ZDBF2: variants seen among roughly 807,000 people sequenced by gnomAD.
ZDBF2 encodes the protein zinc finger DBF-type containing 2, also known as DBF4-type zinc finger-containing protein 2.
A neutral mutation model predicts 9.4 loss-of-function variants in ZDBF2; 6 were observed. The ratio of observed to expected loss-of-function variants is 0.64; its 90% confidence interval spans 0.35 to 1.27. The LOEUF (loss-of-function observed/expected upper bound fraction) is 1.27, where lower values mean the gene tolerates loss of function less well. Ranked by LOEUF, ZDBF2 falls within the 50% of genes most tolerant of loss-of-function variation. The pLI, the probability that ZDBF2 is intolerant of heterozygous loss-of-function variation, is 0.03. For synonymous variants in ZDBF2, 905 were observed against 946.3 expected (o/e 0.96, Z 0.80); for missense variants, 2,697 against 2,766.8 (o/e 0.97, Z 0.57).
At chr2:206,290,052 C>A (rs890521529) in intron 3 of ZDBF2, among the ~76,000 whole-genome samples, 1 of 152,174 alleles carries the variant, frequency 6.6e-6, no homozygotes, top group African/African-American at 2.4e-5. Context: ...CCATCTTTTT[C>A]CAAGTTTATT....
rs1055730871 is a variant in ZDBF2, at chr2:206,275,365, C to G, written c.-103+419C>G. ...ATCCCGAGCCACCTGTCCACACACC[C>G]CCTTCCCCCAGTGCCCTGCGTTGGG... On this transcript the variant is annotated intron_variant, in intron 1 of 4. Coordinates refer to ENST00000374423, the MANE Select transcript of ZDBF2 (RefSeq NM_020923.3). Among the ~76,000 whole-genome samples the G allele has an allele frequency of 4.6e-5, 7 of 152,326 alleles. No individual in the cohort carries two copies. In the East Asian group the frequency reaches 1.2e-3, roughly 25 times the overall value.
Position 206,307,574 on chromosome 2 carries a change from G to A in ZDBF2, c.3046G>A (p.Val1016Ile), listed in dbSNP as rs371758158. Residue 1016 changes from valine (V) to isoleucine (I), a missense_variant, in exon 5 of 5, where the codon GTA becomes ATA. Physicochemically the swap from Val to Ile is conservative, Grantham distance 29. Coordinates refer to ENST00000374423, the MANE Select transcript of ZDBF2 (RefSeq NM_020923.3). ...TCATTATTCAGTAACTGAACCTCAA[G>A]TAGCTGTTAACAAAATAAACAGAAA... ...VPHYSVTEPQ[V>I]AVNKINRKKQ... 10 of 1,613,338 alleles carry A rather than the reference G, an allele frequency of 6.2e-6. No homozygotes were observed. Among genetic ancestry groups the A allele is most frequent in the African/African-American group, 1.3e-5 (1 of 74,908 alleles).
chr2:206,294,651 C>T lies in ZDBF2; in HGVS notation c.61-2595C>T, dbSNP rs550847314. Among the ~76,000 whole-genome samples the T allele has an allele frequency of 3.0e-3, 453 of 152,254 alleles. 4 individuals carry two copies. The highest frequency in any genetic ancestry group is 3.3e-3 in the Non-Finnish European group (227 of 68,012). ...CGAGCCCTTTCCCCCTGCCCTGTCTCTCCTGACCCAGTGTCTCCCAGTGCC... is the reference window on the plus strand; with the variant it reads ...CGAGCCCTTTCCCCCTGCCCTGTCTTTCCTGACCCAGTGTCTCCCAGTGCC... On this transcript the variant is annotated intron_variant, in intron 3 of 4. Coordinates refer to ENST00000374423, the MANE Select transcript of ZDBF2 (RefSeq NM_020923.3).
chr2:206,298,631 T>A (rs1433321061), intron 4 of ZDBF2, among the ~76,000 whole-genome samples: 2 of 152,120 alleles, frequency 1.3e-5, no homozygotes, highest in African/African-American at 4.8e-5. Flanking sequence ...CAAGCAATTC[T>A]CCCTGCCTTA....
In ZDBF2 at chr2:206,306,678, C is replaced by T. The variant is rs748753432; in HGVS notation, c.2150C>T (p.Ser717Leu). The T allele has an allele frequency of 6.2e-6, 10 of 1,613,708 alleles. No individual in the cohort carries two copies. In the South Asian group the frequency reaches 1.1e-4, roughly 18 times the overall value. Reference sequence around the variant, plus strand: ...GATTCTCCGGCTTCTCTTTATCATTCAGCTCATGATGAGCCTCAAGAAGCT... The same window carrying T: ...GATTCTCCGGCTTCTCTTTATCATTTAGCTCATGATGAGCCTCAAGAAGCT... Reference protein sequence around the residue: ...SSDSPASLYHSAHDEPQEALD... With the variant: ...SSDSPASLYHLAHDEPQEALD... Residue 717 changes from serine to leucine, a missense_variant, in exon 5 of 5, where the codon TCA (serine) becomes TTA (leucine). Coordinates refer to ENST00000374423, the MANE Select transcript of ZDBF2 (RefSeq NM_020923.3).
At position 206,309,729 on chromosome 2, in the gene ZDBF2, A is replaced by G; in HGVS notation, c.5201A>G (p.His1734Arg). Reference protein sequence around the residue: ...ADKKKRSKLKHRDLEVSCEPD... With the variant: ...ADKKKRSKLKRRDLEVSCEPD... ...AAAAAAAAACGTTCGAAGCTAAAAC[A>G]TAGAGATCTAGAAGTGAGCTGTGAA... The change falls in exon 5 of 5, where the codon CAT (histidine) becomes CGT (arginine). Residue 1734 changes from histidine (H) to arginine (R), a missense_variant. Transcript: ENST00000374423. 6.2e-7 allele frequency: 1 copy of G among 1,613,878 alleles called. No individual in the cohort carries two copies. The highest frequency in any genetic ancestry group is 8.5e-7 in the Non-Finnish European group (1 of 1,179,824).
At chr2:206,285,166 A>G (rs1691534765) in intron 3 of ZDBF2, among the ~76,000 whole-genome samples, 2 of 152,316 alleles carry the variant, frequency 1.3e-5, no homozygotes, top group South Asian at 2.1e-4. Flanking sequence ...ATAAATACCT[A>G]ATCAGTAGGA....
At chr2:206,282,710 T>G (rs1691387635) in intron 3 of ZDBF2, among the ~76,000 whole-genome samples, 1 of 152,208 alleles carries the variant, frequency 6.6e-6, no homozygotes, top group Non-Finnish European at 1.5e-5. Context: ...AAAAATTTTG[T>G]TATTGTGATA....
intron 3 of ZDBF2, 43 bp downstream of exon 3, chr2:206,281,952 G>A (rs1178801159): frequency 6.6e-7 from 1 of 1,515,370 alleles, no homozygotes; most frequent in Admixed American, 1.9e-5. Context: ...AAAGGACCTA[G>A]TTGTGACTTT....
chr2:206,305,280 A>G lies in ZDBF2; in HGVS notation c.752A>G (p.Tyr251Cys), dbSNP rs59158496. The change falls in exon 5 of 5, where the codon TAT becomes TGT. Residue 251 changes from tyrosine (Y) to cysteine (C), a missense_variant. Physicochemically the swap from Tyr to Cys is radical, Grantham distance 194 (BLOSUM62 -2). This residue lies in a region of ZDBF2 where 910 missense variants were observed against 973.6 expected (regional missense o/e 0.93). Transcript: ENST00000374423. ...SSHVETTSFS[Y>C]QKHKESNRKS... ...CATGTAGAAACTACTTCATTTTCGT[A>G]TCAGAAACATAAAGAATCAAATAGG... is the stretch of plus-strand genomic sequence containing the variant. 2.1e-3 allele frequency: 3,338 copies of G among 1,613,212 alleles called. 59 individuals carry two copies. In the African/African-American group the frequency reaches 0.039, roughly 19 times the overall value.
At chr2:206,289,276 G>A (rs538444512) in intron 3 of ZDBF2, among the ~76,000 whole-genome samples, 2 of 152,226 alleles carry the variant, frequency 1.3e-5, no homozygotes, top group Middle Eastern at 3.4e-3. Flanking sequence ...GGGATGCAAG[G>A]TGCCACTTCA....
At chr2:206,303,777 A>T (rs1692623996) in intron 4 of ZDBF2, among the ~76,000 whole-genome samples, 1 of 151,900 alleles carries the variant, frequency 6.6e-6, no homozygotes, top group South Asian at 2.1e-4. Context: ...TTCTAAGTGC[A>T]TTATTTTTTT....
At chr2:206,279,100 T>G (rs898318821) in intron 1 of ZDBF2, among the ~76,000 whole-genome samples, 31 of 152,234 alleles carry the variant, frequency 2.0e-4, no homozygotes, top group African/African-American at 7.5e-4. Context: ...AAAACATGCT[T>G]CTGCTTAATA....
rs1218134187 is a variant in ZDBF2 at position 206,309,920 on chromosome 2, G to A, written c.5392G>A (p.Val1798Ile). The change falls in exon 5 of 5, where the codon GTA becomes ATA. Residue 1798 changes from valine (V) to isoleucine (I), a missense_variant. By Grantham distance (29) the Val-to-Ile change is conservative (BLOSUM62 3). This residue lies in a region of ZDBF2 where 1,783 missense variants were observed against 1,776.5 expected (regional missense o/e 1.00). Coordinates refer to ENST00000374423, the MANE Select transcript of ZDBF2 (RefSeq NM_020923.3). The stretch of plus-strand genomic sequence containing the variant: ...AAGCTCTGTTCTCAAGGTTGATTCT[G>A]TAAGGAACCTGAAAAAAGCAAAGGA... Reference protein sequence around the residue: ...QSSSVLKVDSVRNLKKAKDVI... With the variant: ...QSSSVLKVDSIRNLKKAKDVI... 1 of 1,613,918 alleles carries A rather than the reference G, an allele frequency of 6.2e-7. No homozygotes were observed. Among genetic ancestry groups the A allele is most frequent in the Non-Finnish European group, 8.5e-7 (1 of 1,179,878 alleles).
At chr2:206,302,642 T>TG (rs1432963956) in intron 4 of ZDBF2, among the ~76,000 whole-genome samples, 1 of 152,074 alleles carries the variant, frequency 6.6e-6, no homozygotes, top group East Asian at 1.9e-4. Flanking sequence ...AAAACTAGAG[T>TG]GAAGTGATTG....
chr2:206,309,134 G>A lies in ZDBF2; in HGVS notation c.4606G>A (p.Asp1536Asn). Residue 1536 changes from aspartate to asparagine, a missense_variant, in exon 5 of 5, where the codon GAT becomes AAT. Transcript: ENST00000374423. The part of the protein sequence containing the change: ...VLVDLVPGDS[D>N]YEVISDDIPL... ...TGTGGATCTGGTGCCCGGTGATAGT[G>A]ATTATGAAGTAATTTCAGATGATAT... 1 of 1,613,380 alleles carries A rather than the reference G, an allele frequency of 6.2e-7. No homozygotes were observed. Among genetic ancestry groups the A allele is most frequent in the South Asian group, 1.1e-5 (1 of 90,980 alleles).
In ZDBF2 at chr2:206,309,552, G is replaced by T; in HGVS notation, c.5024G>T (p.Arg1675Leu). The change falls in exon 5 of 5, where the codon CGA becomes CTA. Residue 1675 changes from arginine to leucine, a missense_variant. This residue lies in a region of ZDBF2 where 1,783 missense variants were observed against 1,776.5 expected (regional missense o/e 1.00). Transcript: ENST00000374423. ...TTTAATTTGGAAGACACTTCTCATC[G>T]AACGACTCACCGACTGCAGAAAGCT... is the stretch of plus-strand genomic sequence containing the variant. The part of the protein sequence containing the change: ...GKFNLEDTSH[R>L]TTHRLQKAHK... The T allele has an allele frequency of 6.2e-7, 1 of 1,613,910 alleles. No individual in the cohort carries two copies. The highest frequency in any genetic ancestry group is 8.5e-7 in the Non-Finnish European group (1 of 1,179,880).
chr2:206,308,756 G>A lies in ZDBF2; in HGVS notation c.4228G>A (p.Val1410Ile). Reference protein sequence around the residue: ...DKSYKLGDFDVSYASHIPVQF... With the variant: ...DKSYKLGDFDISYASHIPVQF... The stretch of plus-strand genomic sequence containing the variant: ...GAGCTATAAATTAGGTGATTTTGAT[G>A]TAAGTTATGCTTCTCATATTCCTGT... Residue 1410 changes from valine to isoleucine, a missense_variant, in exon 5 of 5, where the codon GTA (valine) becomes ATA (isoleucine). Val to Ile is a conservative substitution (Grantham distance 29). This residue lies in a region of ZDBF2 where 1,783 missense variants were observed against 1,776.5 expected (regional missense o/e 1.00). Transcript: ENST00000374423. 3 of 1,613,542 alleles carry A rather than the reference G, an allele frequency of 1.9e-6. No homozygotes were observed. Among genetic ancestry groups the A allele is most frequent in the South Asian group, 1.1e-5 (1 of 91,026 alleles).
intron 1 of ZDBF2, among the ~76,000 whole-genome samples, chr2:206,275,657 A>C (rs953542767): frequency 3.3e-5 from 5 of 151,872 alleles, no homozygotes; most frequent in African/African-American, 1.2e-4. Flanking sequence ...ACCCCCACCT[A>C]AAGGAAATAG....
Sources: gnomAD v4.1 joint callset for allele counts (sites outside exome capture counted in the v4.1 genomes callset) on GRCh38, gnomAD v4.1.1 for gene constraint, gnomAD v4.1.1 regional missense constraint, MANE v1.5 for transcripts, NCBI Gene and HGNC (gene_info 2026-07-23, HGNC 2026-07-21) for gene names.